Variants in SLC35E3 observed in about 807,000 individuals in gnomAD.
The protein encoded by SLC35E3 is bladder cancer-overexpressed gene 1 protein.
In SLC35E3, 28 loss-of-function variants were observed where a neutral mutation model predicts 30.8. That is an observed-to-expected ratio of 0.91 (90% CI 0.67 to 1.25). SLC35E3 has a LOEUF of 1.25. Among genes scored for constraint, SLC35E3 ranks in the 50% most tolerant of loss-of-function variants. SLC35E3 has a pLI of 0.00. For synonymous variants in SLC35E3, 146 were observed against 149.2 expected (o/e 0.98, Z 0.16); for missense variants, 365 against 375.4 (o/e 0.97, Z 0.23).
chr12:68,759,545 A>G (rs1879169250), intron 4 of SLC35E3, among the ~76,000 whole-genome samples: 1 of 152,074 alleles, frequency 6.6e-6, no homozygotes, highest in Non-Finnish European at 1.5e-5. Context: ...CTCTACAAAA[A>G]ATATATAAAT....
At chr12:68,759,993 A>C (rs1251147823) in intron 4 of SLC35E3, 1 of 152,324 alleles carries the variant, frequency 6.6e-6, no homozygotes, top group Non-Finnish European at 1.5e-5. Context: ...ATGTGTTTGT[A>C]CTTATTTGGA....
In SLC35E3 at chr12:68,746,270, A is replaced by C; in HGVS notation, c.-108A>C. 2 of 1,096,820 alleles carry C rather than the reference A, an allele frequency of 1.8e-6. No homozygotes were observed. Among genetic ancestry groups the C allele is most frequent in the Non-Finnish European group, 2.6e-6 (2 of 777,418 alleles). The allele number at this position is 1,096,820 out of a possible 1,614,324, so 67.9% of individuals were successfully genotyped here. A position where few individuals can be genotyped will look rare whatever the true frequency, so the allele number is the denominator to read the frequency against. Reference sequence around the variant, plus strand: ...GATCTGTGCATGCCACTCCTGGGTCAGACGGTGAGGTCGGCGTCTGCGAGG... The same window carrying C: ...GATCTGTGCATGCCACTCCTGGGTCCGACGGTGAGGTCGGCGTCTGCGAGG... On this transcript the variant is annotated 5_prime_UTR_variant, in exon 1 of 5. Coordinates refer to ENST00000398004, the MANE Select transcript of SLC35E3 (RefSeq NM_018656.5).
Position 68,775,784 on chromosome 12 carries a change from C to G in SLC35E3, c.*10894C>G, listed in dbSNP as rs1182529725. 2 of 150,506 alleles carry G rather than the reference C, an allele frequency of 1.3e-5. No homozygotes were observed. Among genetic ancestry groups the G allele is most frequent in the Admixed American group, 6.7e-5 (1 of 15,036 alleles). The allele number at this position is 150,506 out of a possible 1,614,324, so 9.3% of individuals were successfully genotyped here. A position where few individuals can be genotyped will look rare whatever the true frequency, so the allele number is the denominator to read the frequency against. On this transcript the variant is annotated 3_prime_UTR_variant, in exon 5 of 5. Coordinates refer to ENST00000398004, the MANE Select transcript of SLC35E3 (RefSeq NM_018656.5). ...CCAACATGGTGAAACCCCGTCTCTA[C>G]TAAAAATATAAAAATTAGCCAGGCA...
rs1426733199 is a variant in SLC35E3, at chr12:68,772,441, CT to C, written c.*7554del. 2 of 152,114 alleles carry C rather than the reference CT, an allele frequency of 1.3e-5. No homozygotes were observed. Among genetic ancestry groups the C allele is most frequent in the African/African-American group, 4.8e-5 (2 of 41,430 alleles). 9.4% of individuals were successfully genotyped at this position (152,114 alleles called of 1,614,324 possible). A position where few individuals can be genotyped will look rare whatever the true frequency, so the allele number is the denominator to read the frequency against. Reference sequence around the variant, plus strand: ...AGACGCATTTAATGTAATCATATTACTTTCTTATATTAGAAGATAGGATTTC... The same window carrying C: ...AGACGCATTTAATGTAATCATATTACTTCTTATATTAGAAGATAGGATTTC... On this transcript the variant is annotated 3_prime_UTR_variant, in exon 5 of 5. Transcript: ENST00000398004.
At position 68,746,635 on chromosome 12, in the gene SLC35E3, C is replaced by G; in HGVS notation, c.258C>G (p.Gly86=). The change falls in exon 1 of 5, where the codon GGC becomes GGG. Residue 86 remains glycine, a synonymous_variant. Coordinates refer to ENST00000398004, the MANE Select transcript of SLC35E3 (RefSeq NM_018656.5). ...TCCTCCTGGCCCTCAGCTTCTGTGG[C>G]TTTGTGGTCTTCACTAACCTTTCTC... ...RLLLLALSFC[G]FVVFTNLSLQ... The G allele has an allele frequency of 6.2e-7, 1 of 1,614,240 alleles. No homozygotes were observed. Among genetic ancestry groups the G allele is most frequent in the Non-Finnish European group, 8.5e-7 (1 of 1,180,032 alleles).
At position 68,775,046 on chromosome 12, in the gene SLC35E3, C is replaced by CT. The variant is rs921590162; in HGVS notation, c.*10157dup. ...AATAATAATTAGAGACAGGGTGTTG[C>CT]TATGTTGCCCTGGCTGGTCTCACTC... On this transcript the variant is annotated 3_prime_UTR_variant, in exon 5 of 5. Transcript: ENST00000398004. The CT allele has an allele frequency of 6.6e-6, 1 of 151,954 alleles. No individual in the cohort carries two copies. Among genetic ancestry groups the CT allele is most frequent in the Non-Finnish European group, 1.5e-5 (1 of 68,068 alleles). 9.4% of individuals were successfully genotyped at this position (151,954 alleles called of 1,614,324 possible).
chr12:68,757,689 T>A (rs1879073696), intron 3 of SLC35E3, among the ~76,000 whole-genome samples: 1 of 152,250 alleles, frequency 6.6e-6, no homozygotes, highest in African/African-American at 2.4e-5. Context: ...TGTCCTCAAG[T>A]AGTTTCTAAG....
rs756221630 is a variant in SLC35E3 at position 68,764,706 on chromosome 12, A to G, written c.758A>G (p.Tyr253Cys). Residue 253 changes from tyrosine (Y) to cysteine (C), a missense_variant and splice_region_variant, in exon 5 of 5, where the codon TAT becomes TGT. Transcript: ENST00000398004. ...WIIGNTSPVT[Y>C]NMFGHFKFCI... ...TTATCCTTATCCAAAAACCTCAGCT[A>G]TAACATGTTCGGACACTTCAAGTTC... is the stretch of plus-strand genomic sequence containing the variant. The G allele has an allele frequency of 1.9e-6, 3 of 1,613,310 alleles. No homozygotes were observed. Among genetic ancestry groups the G allele is most frequent in the East Asian group, 2.2e-5 (1 of 44,868 alleles).
chr12:68,761,043 G>A (rs1385880018), intron 4 of SLC35E3, among the ~76,000 whole-genome samples: 2 of 152,118 alleles, frequency 1.3e-5, no homozygotes, highest in East Asian at 3.9e-4. Context: ...AACATTCCAG[G>A]CAGAGGCAAC....
rs767264055 is a variant in SLC35E3, at chr12:68,752,166, T to G, written c.648T>G (p.Phe216Leu). The change falls in exon 3 of 5, where the codon TTT becomes TTG. Residue 216 changes from phenylalanine to leucine, a missense_variant. By Grantham distance (22) the Phe-to-Leu change is conservative. Transcript: ENST00000398004. Reference sequence around the variant, plus strand: ...CAGTGTTTGGAGAAGGAGGAATATTTGGTCCCTGGTCAGTTTCTGCTTTGG... The same window carrying G: ...CAGTGTTTGGAGAAGGAGGAATATTGGGTCCCTGGTCAGTTTCTGCTTTGG... The part of the protein sequence containing the change: ...FEPVFGEGGI[F>L]GPWSVSALLM... 2 of 1,611,852 alleles carry G rather than the reference T, an allele frequency of 1.2e-6. No individual in the cohort carries two copies. Among genetic ancestry groups the G allele is most frequent in the Non-Finnish European group, 1.7e-6 (2 of 1,179,456 alleles).
intron 2 of SLC35E3, among the ~76,000 whole-genome samples, chr12:68,750,452 G>C (rs1015298431): frequency 5.3e-5 from 8 of 152,238 alleles, no homozygotes; most frequent in Admixed American, 2.0e-4. Flanking sequence ...GTACAAACCA[G>C]AGGGTAGTTC....
rs762585446 is a variant in SLC35E3, at chr12:68,765,708, A to G, written c.*818A>G. Reference sequence around the variant, plus strand: ...CATACATATACATGTGTATATATATACCATCCCATATATATGTGGGATATA... The same window carrying G: ...CATACATATACATGTGTATATATATGCCATCCCATATATATGTGGGATATA... On this transcript the variant is annotated 3_prime_UTR_variant, in exon 5 of 5. Coordinates refer to ENST00000398004, the MANE Select transcript of SLC35E3 (RefSeq NM_018656.5). The G allele has an allele frequency of 4.6e-5, 7 of 150,786 alleles. No homozygotes were observed. Among genetic ancestry groups the G allele is most frequent in the Non-Finnish European group, 5.9e-5 (4 of 67,868 alleles). The allele number at this position is 150,786 out of a possible 1,614,324, so 9.3% of individuals were successfully genotyped here. A position where few individuals can be genotyped will look rare whatever the true frequency, so the allele number is the denominator to read the frequency against.
At chr12:68,764,087 A>C (rs1460357402) in intron 4 of SLC35E3, among the ~76,000 whole-genome samples, 1 of 152,090 alleles carries the variant, frequency 6.6e-6, no homozygotes, top group African/African-American at 2.4e-5. Flanking sequence ...TACCTTACAT[A>C]TCTCACTTCA....
At position 68,766,370 on chromosome 12, in the gene SLC35E3, C is replaced by T. The variant is rs1252977894; in HGVS notation, c.*1480C>T. On this transcript the variant is annotated 3_prime_UTR_variant, in exon 5 of 5. Coordinates refer to ENST00000398004, the MANE Select transcript of SLC35E3 (RefSeq NM_018656.5). ...GCATGGTGGCACATGCCTGTAATCC[C>T]AGCTGCTCGGGAGGCTGAGGCAGGA... The T allele has an allele frequency of 1.3e-5, 2 of 152,510 alleles. No individual in the cohort carries two copies. The highest frequency in any genetic ancestry group is 2.0e-4 in the South Asian group (1 of 4,910). 9.4% of individuals were successfully genotyped at this position (152,510 alleles called of 1,614,324 possible). A position where few individuals can be genotyped will look rare whatever the true frequency, so the allele number is the denominator to read the frequency against.
At position 68,771,487 on chromosome 12, in the gene SLC35E3, A is replaced by G. The variant is rs1290984753; in HGVS notation, c.*6597A>G. ...GAACTCTGGTATACAATGATAGAAC[A>G]TAATGCTGCAAAAGAAACAGAGAAG... is the stretch of plus-strand genomic sequence containing the variant. On this transcript the variant is annotated 3_prime_UTR_variant, in exon 5 of 5. Coordinates refer to ENST00000398004, the MANE Select transcript of SLC35E3 (RefSeq NM_018656.5). The G allele has an allele frequency of 6.6e-6, 1 of 152,172 alleles. No individual in the cohort carries two copies. Among genetic ancestry groups the G allele is most frequent in the Admixed American group, 6.6e-5 (1 of 15,264 alleles). 9.4% of individuals were successfully genotyped at this position (152,172 alleles called of 1,614,324 possible). A position where few individuals can be genotyped will look rare whatever the true frequency, so the allele number is the denominator to read the frequency against.
chr12:68,752,132 T>C lies in SLC35E3; in HGVS notation c.614T>C (p.Phe205Ser). ...SSAMLLVAVP[F>S]FEPVFGEGGI... is the part of the protein sequence containing the mutation. ...GCCATGTTGCTGGTTGCTGTGCCCTTCTTTGAGCCAGTGTTTGGAGAAGGA... is the reference window on the plus strand; with the variant it reads ...GCCATGTTGCTGGTTGCTGTGCCCTCCTTTGAGCCAGTGTTTGGAGAAGGA... Residue 205 changes from phenylalanine (F) to serine (S), a missense_variant, in exon 3 of 5, where the codon TTC (phenylalanine) becomes TCC (serine). Transcript: ENST00000398004. 1.2e-6 allele frequency: 2 copies of C among 1,613,948 alleles called. No homozygotes were observed. The highest frequency in any genetic ancestry group is 2.2e-5 in the East Asian group (1 of 44,882).
At chr12:68,756,343 C>G (rs1420554477) in intron 3 of SLC35E3, among the ~76,000 whole-genome samples, 2 of 146,072 alleles carry the variant, frequency 1.4e-5, no homozygotes, top group African/African-American at 5.0e-5. Flanking sequence ...AAGACCACAG[C>G]AGGCTGAGGC....
At position 68,749,241 on chromosome 12, in the gene SLC35E3, G is replaced by A. The variant is rs112261861; in HGVS notation, c.513+1201G>A. ...AGATATTTGACATGAGATTGACCAA[G>A]GAATGATTGTAGATTAATGGACAGT... On this transcript the variant is annotated intron_variant, in intron 2 of 4. Transcript: ENST00000398004. Among the ~76,000 whole-genome samples the A allele has an allele frequency of 3.1e-3, 468 of 152,274 alleles. 3 individuals carry two copies. The highest frequency in any genetic ancestry group is 0.011 in the African/African-American group (442 of 41,562).
Position 68,746,528 on chromosome 12 carries a change from T to C in SLC35E3, c.151T>C (p.Phe51Leu). The C allele has an allele frequency of 1.2e-6, 2 of 1,614,250 alleles. No homozygotes were observed. The highest frequency in any genetic ancestry group is 1.7e-6 in the Non-Finnish European group (2 of 1,180,036). The change falls in exon 1 of 5, where the codon TTC (phenylalanine) becomes CTC (leucine). Residue 51 changes from phenylalanine (F) to leucine (L), a missense_variant. Transcript: ENST00000398004. ...FPNMSLTLVH[F>L]VVTWLGLYIC... is the part of the protein sequence containing the mutation. Reference sequence around the variant, plus strand: ...CAACATGAGCCTGACCCTGGTGCACTTCGTGGTCACCTGGCTGGGCTTGTA... The same window carrying C: ...CAACATGAGCCTGACCCTGGTGCACCTCGTGGTCACCTGGCTGGGCTTGTA...
Sources: gnomAD v4.1 joint callset for allele counts (sites outside exome capture counted in the v4.1 genomes callset) on GRCh38, gnomAD v4.1.1 for gene constraint, MANE v1.5 for transcripts, NCBI Gene and HGNC (gene_info 2026-07-23, HGNC 2026-07-21) for gene names.